FBXL19: variants seen among roughly 807,000 people sequenced by gnomAD.
FBXL19 encodes F-box and leucine rich repeat protein 19.
In FBXL19, 16 loss-of-function variants were observed where a neutral mutation model predicts 71.2. That is an observed-to-expected ratio of 0.22 (90% CI 0.15 to 0.34). The LOEUF is 0.34. Ranked by LOEUF, FBXL19 falls within the 10% of genes least tolerant of loss-of-function variation. FBXL19 has a pLI of 1.00. For synonymous variants in FBXL19, 447 were observed against 409.4 expected, an observed-to-expected ratio of 1.09 and a Z score of -1.11; for missense variants, 658 against 968.2, an observed-to-expected ratio of 0.68 and a Z score of 4.25.
At chr16:30,934,407 C>G (rs2055708778) in intron 7 of FBXL19, among the ~76,000 whole-genome samples, 2 of 151,394 alleles carry the variant, frequency 1.3e-5, no homozygotes, top group Admixed American at 6.6e-5. Flanking sequence ...CCTGTAATCC[C>G]AGCACTTTGG....
At position 30,928,410 on chromosome 16, in the gene FBXL19, C is replaced by A. The variant is rs2055628748; in HGVS notation, c.628-57C>A. 4 of 1,462,162 alleles carry A rather than the reference C, an allele frequency of 2.7e-6. No individual in the cohort carries two copies. The East Asian group carries it at 1.0e-4, about 38-fold the overall frequency. The allele number at this position is 1,462,162 out of a possible 1,614,324, so 90.6% of individuals were successfully genotyped here. A position where few individuals can be genotyped will look rare whatever the true frequency, so the allele number is the denominator to read the frequency against. ...AGGGCATGGACCTTAGATTTCTGGC[C>A]CATGAGGGCCTAATGGGGTCTCTCC... On this transcript the variant is annotated intron_variant, in intron 5 of 10. Coordinates refer to ENST00000338343, the MANE Select transcript of FBXL19 (RefSeq NM_001382779.1).
In FBXL19 at chr16:30,927,412, T is replaced by C; in HGVS notation, c.282T>C (p.Cys94=). The part of the protein sequence containing the change: ...EEKFGLSLME[C]TICNEIVHPG... ...AATTTGGTTTGAGCCTCATGGAGTG[T>C]ACAATCTGCAACGAGATCGTCCACC... Residue 94 remains cysteine, a synonymous_variant, in exon 3 of 11, where the codon TGT becomes TGC. Transcript: ENST00000338343. 2.5e-6 allele frequency: 4 copies of C among 1,594,194 alleles called. No homozygotes were observed. Among genetic ancestry groups the C allele is most frequent in the Admixed American group, 1.8e-5 (1 of 56,532 alleles).
chr16:30,927,889 C>A lies in FBXL19; in HGVS notation c.553C>A (p.Pro185Thr), dbSNP rs752713444. 2.2e-5 allele frequency: 33 copies of A among 1,534,284 alleles called. No individual in the cohort carries two copies. The East Asian group carries it at 7.5e-4, about 35-fold the overall frequency. ...RKGPLPAGPP[P>T]EDVPGPPKRK... ...GGGCCCCCTGCCTGCCGGGCCCCCC[C>A]CGGAGGACGTGCCTGGGCCCCCCAA... Residue 185 changes from proline to threonine, a missense_variant, in exon 5 of 11, where the codon CCG becomes ACG. By Grantham distance (38) the Pro-to-Thr change is conservative (BLOSUM62 -1). Around this residue, in one of 8 missense-constraint regions of FBXL19, gnomAD observed 447 missense variants for 515.4 expected, o/e 0.87. Transcript: ENST00000338343.
chr16:30,948,632 T>G lies in FBXL19; in HGVS notation c.*1402T>G, dbSNP rs2055896420. On this transcript the variant is annotated 3_prime_UTR_variant, in exon 11 of 11. Coordinates refer to ENST00000338343, the MANE Select transcript of FBXL19 (RefSeq NM_001382779.1). ...GACCAAAGGCCGGAGGGGTGGGGCC[T>G]GGGGATAGCGAGAGGCTTGAGAATG... 1 of 149,946 alleles carries G rather than the reference T, an allele frequency of 6.7e-6. No homozygotes were observed. Among genetic ancestry groups the G allele is most frequent in the Non-Finnish European group, 1.5e-5 (1 of 67,300 alleles). The allele number at this position is 149,946 out of a possible 1,614,324, so 9.3% of individuals were successfully genotyped here.
rs2055816173 is a variant in FBXL19 at position 30,942,715 on chromosome 16, A to G, written c.1627+179A>G. The stretch of plus-strand genomic sequence containing the variant: ...TCATTCATTCACCCACCTGCTGTGT[A>G]CTTTGAACTGAGTCTTGAAAGGAAC... On this transcript the variant is annotated intron_variant, in intron 9 of 10. Transcript: ENST00000338343. This position sits in a 1 kb window ranked among gnomAD's most constrained non-coding sequence, Gnocchi z 5.7. Among the ~76,000 whole-genome samples, 1 of 152,230 alleles carries G rather than the reference A, an allele frequency of 6.6e-6. No individual in the cohort carries two copies. The highest frequency in any genetic ancestry group is 1.5e-5 in the Non-Finnish European group (1 of 68,032).
chr16:30,940,870 T>A (rs1466005457), intron 7 of FBXL19, among the ~76,000 whole-genome samples: 1 of 152,002 alleles, frequency 6.6e-6, no homozygotes, highest in East Asian at 1.9e-4. Flanking sequence ...GTTTCACTAG[T>A]AGAACAGCCA....
At chr16:30,923,082 C>G (rs1446518301), upstream of FBXL19, 1 of 456,804 alleles carries the variant, frequency 2.2e-6, no homozygotes, top group Non-Finnish European at 4.4e-6. Flanking sequence ...CTTTCCTTTT[C>G]ACCTTTCCAT....
intron 1 of FBXL19, 112 bp downstream of exon 1, chr16:30,924,571 C>T (rs375467239): frequency 1.3e-5 from 17 of 1,346,392 alleles, no homozygotes; most frequent in South Asian, 1.9e-5. Context: ...CCTCTCTCTA[C>T]TCCAAACTCA....
chr16:30,929,987 G>A, intron 6 of FBXL19, 86 bp from the exon 7 acceptor site: 1 of 1,517,710 alleles, frequency 6.6e-7, no homozygotes, highest in Admixed American at 1.9e-5. Flanking sequence ...CCCTCGGGCT[G>A]TTCATCCCCT....
Position 30,947,550 on chromosome 16 carries a change from G to A in FBXL19, c.*320G>A. 2.9e-6 allele frequency: 1 copy of A among 345,780 alleles called. No homozygotes were observed. Among genetic ancestry groups the A allele is most frequent in the East Asian group, 7.2e-5 (1 of 13,812 alleles). The allele number at this position is 345,780 out of a possible 1,614,324, so 21.4% of individuals were successfully genotyped here. On this transcript the variant is annotated 3_prime_UTR_variant, in exon 11 of 11. Coordinates refer to ENST00000338343, the MANE Select transcript of FBXL19 (RefSeq NM_001382779.1). ...GGGGTTATGGTGCAAGTGTTGGGGGGGAGAATGGGGAAAGGACACACACAG... is the reference window on the plus strand; with the variant it reads ...GGGGTTATGGTGCAAGTGTTGGGGGAGAGAATGGGGAAAGGACACACACAG...
Position 30,930,169 on chromosome 16 carries a change from C to T in FBXL19, c.886C>T (p.Leu296=). ...KLERFKRMCQ[L]LERVPDTSSS... Reference sequence around the variant, plus strand: ...AGAGCGTTTCAAGCGGATGTGCCAGCTGCTGGAACGGGTGCCTGACACCTC... The same window carrying T: ...AGAGCGTTTCAAGCGGATGTGCCAGTTGCTGGAACGGGTGCCTGACACCTC... Residue 296 remains leucine (L), a synonymous_variant, in exon 7 of 11, where the codon CTG becomes TTG. Transcript: ENST00000338343. This position sits in a 1 kb window ranked among gnomAD's most constrained non-coding sequence, Gnocchi z 8.5. The T allele has an allele frequency of 1.2e-6, 2 of 1,613,430 alleles. No individual in the cohort carries two copies. The highest frequency in any genetic ancestry group is 1.3e-5 in the African/African-American group (1 of 75,076).
In FBXL19 at chr16:30,927,567, C is replaced by A; in HGVS notation, c.322-6C>A. The A allele has an allele frequency of 6.4e-7, 1 of 1,556,698 alleles. No individual in the cohort carries two copies. The highest frequency in any genetic ancestry group is 8.7e-7 in the Non-Finnish European group (1 of 1,149,944). On this transcript the variant is annotated splice_region_variant and splice_polypyrimidine_tract_variant and intron_variant, in intron 3 of 10. Coordinates refer to ENST00000338343, the MANE Select transcript of FBXL19 (RefSeq NM_001382779.1). ...AACCCCCCACTCACTGCCCTCCTGC[C>A]TACAGATGGGGAAGGCTGAGGGTGT...
intron 7 of FBXL19, among the ~76,000 whole-genome samples, chr16:30,934,937 A>G (rs2055715064): frequency 6.6e-6 from 1 of 152,230 alleles, no homozygotes. Context: ...GCAAAAGATC[A>G]TACATCAGTA....
chr16:30,930,538 C>A lies in FBXL19; in HGVS notation c.1255C>A (p.Arg419=). The change falls in exon 7 of 11, where the codon CGG becomes AGG. Residue 419 remains arginine, a synonymous_variant. Coordinates refer to ENST00000338343, the MANE Select transcript of FBXL19 (RefSeq NM_001382779.1). This position sits in a 1 kb window ranked among gnomAD's most constrained non-coding sequence, Gnocchi z 8.5. ...TCGCGTCTTCCAGCACCTCGGGCCG[C>A]GGGAGCTGTGTATCTGCATGCGAGT... ...WLRVFQHLGP[R]ELCICMRVCR... 6.7e-7 allele frequency: 1 copy of A among 1,501,486 alleles called. No homozygotes were observed. Among genetic ancestry groups the A allele is most frequent in the Non-Finnish European group, 8.8e-7 (1 of 1,133,178 alleles). 93.0% of individuals were successfully genotyped at this position (1,501,486 alleles called of 1,614,324 possible).
intron 5 of FBXL19, 53 bp from the exon 6 acceptor site, chr16:30,928,414 G>C: frequency 5.4e-6 from 8 of 1,469,120 alleles, no homozygotes; most frequent in Admixed American, 2.5e-5. Flanking sequence ...TCTGGCCCAT[G>C]AGGGCCTAAT....
chr16:30,943,414 G>A (rs1053081897), intron 9 of FBXL19, among the ~76,000 whole-genome samples: 8 of 119,012 alleles, frequency 6.7e-5, no homozygotes. Context: ...TTGCTCTGTC[G>A]CCCAGGCTGG....
At chr16:30,943,284 G>A (rs540039450) in intron 9 of FBXL19, among the ~76,000 whole-genome samples, 1 of 152,056 alleles carries the variant, frequency 6.6e-6, no homozygotes. Flanking sequence ...TGCCTCCTGG[G>A]TTCAAGTGAT....
intron 7 of FBXL19, among the ~76,000 whole-genome samples, chr16:30,931,150 T>A (rs1156472611): frequency 6.6e-6 from 1 of 151,868 alleles, no homozygotes; most frequent in African/African-American, 2.4e-5. Context: ...CCTCTGCCCA[T>A]CCCCCAGCCC....
At chr16:30,931,839 G>C (rs1270797446) in intron 7 of FBXL19, among the ~76,000 whole-genome samples, 1 of 151,506 alleles carries the variant, frequency 6.6e-6, no homozygotes, top group Non-Finnish European at 1.5e-5. Flanking sequence ...CGATTCCCCT[G>C]CCTCGGCCTC....
Sources: allele counts gnomAD v4.1 joint callset (sites outside exome capture counted in the v4.1 genomes callset), GRCh38; gene constraint gnomAD v4.1.1; regional missense constraint gnomAD v4.1.1; non-coding constraint Gnocchi (gnomAD v3.1); transcripts MANE v1.5; gene names NCBI Gene and HGNC (gene_info 2026-07-23, HGNC 2026-07-21).